The following SERPINB13 variants were observed in gnomAD, a reference collection of about 807,000 sequenced individuals.
The protein encoded by SERPINB13 is serpin B13.
Under a neutral mutation model 31.2 loss-of-function variants are expected in SERPINB13, and 26 were observed. The observed-to-expected ratio is 0.83, with a 90% CI of 0.61 to 1.15. The LOEUF (loss-of-function observed/expected upper bound fraction) is 1.15, where lower values mean the gene tolerates loss of function less well. SERPINB13 is among the 50% of genes most tolerant of loss of function. The pLI is 0.00. For missense variants in SERPINB13, 510 were observed against 469.4 expected, an observed-to-expected ratio of 1.09 and a Z score of -0.80; for synonymous variants, 191 against 172.4, an observed-to-expected ratio of 1.11 and a Z score of -0.85.
At chr18:63,588,023 G>A (rs747743908) in intron 1 of SERPINB13, among the ~76,000 whole-genome samples, 2 of 152,220 alleles carry the variant, frequency 1.3e-5, no homozygotes, top group Non-Finnish European at 2.9e-5. Flanking sequence ...CCAGAGATAT[G>A]TGGTTTCTGC....
At chr18:63,591,090 G>A (rs1484422776) in intron 3 of SERPINB13, among the ~76,000 whole-genome samples, 1 of 152,062 alleles carries the variant, frequency 6.6e-6, no homozygotes, top group East Asian at 1.9e-4. Context: ...TACCAAATCA[G>A]CTGATGCCCC....
Position 63,589,714 on chromosome 18 carries a change from T to C in SERPINB13, c.224T>C (p.Val75Ala). The change falls in exon 3 of 8, where the codon GTG becomes GCG. Residue 75 changes from valine (V) to alanine (A), a missense_variant and splice_region_variant. Transcript: ENST00000344731. ...AGAATAAAGGCTGAAGAAAAAGAGG[T>C]GGTAAGAATAAAGGCTGAAGGAAAA... ...SSRIKAEEKE[V>A]IENTEAVHQQ... 1 of 1,612,378 alleles carries C rather than the reference T, an allele frequency of 6.2e-7. No individual in the cohort carries two copies. Among genetic ancestry groups the C allele is most frequent in the Non-Finnish European group, 8.5e-7 (1 of 1,179,020 alleles).
chr18:63,588,915 T>G lies in SERPINB13; in HGVS notation c.165+83T>G, dbSNP rs1224485254. On this transcript the variant is annotated intron_variant, in intron 2 of 7. Transcript: ENST00000344731. ...GGTTGTCAGCCCTCTTGCATTATCT[T>G]AAAAATACGCTCTTCTTGACCTGTG... The G allele has an allele frequency of 2.2e-6, 3 of 1,390,544 alleles. No individual in the cohort carries two copies. The African/African-American group carries it at 4.3e-5, about 20-fold the overall frequency. 86.1% of individuals were successfully genotyped at this position (1,390,544 alleles called of 1,614,324 possible).
chr18:63,589,563 G>T, intron 2 of SERPINB13, 93 bp from the exon 3 acceptor site: 1 of 1,499,880 alleles, frequency 6.7e-7, no homozygotes, highest in Admixed American at 2.4e-5. Context: ...TACCACCGAG[G>T]TTTCTTTCAG....
rs761586600 is a variant in SERPINB13 at position 63,597,159 on chromosome 18, G to C, written c.972G>C (p.Gly324=). The change falls in exon 8 of 8, where the codon GGG becomes GGC. Residue 324 remains glycine, a synonymous_variant. Coordinates refer to ENST00000344731, the MANE Select transcript of SERPINB13 (RefSeq NM_012397.4). ...ADYSGMSSGS[G]LYAQKFLHSS... is the part of the protein sequence containing the mutation. ...ACTCGGGAATGTCGTCAGGCTCCGG[G>C]TTGTACGCCCAGAAGTTCCTGCACA... The C allele has an allele frequency of 1.2e-6, 2 of 1,614,214 alleles. No individual in the cohort carries two copies. Among genetic ancestry groups the C allele is most frequent in the Non-Finnish European group, 1.7e-6 (2 of 1,180,044 alleles).
chr18:63,599,071 A>G lies in SERPINB13; in HGVS notation c.*1708A>G, dbSNP rs1170207495. The G allele has an allele frequency of 6.6e-6, 1 of 151,908 alleles. No homozygotes were observed. The highest frequency in any genetic ancestry group is 1.5e-5 in the Non-Finnish European group (1 of 67,960). 9.4% of individuals were successfully genotyped at this position (151,908 alleles called of 1,614,324 possible). ...TTGTTTGGTGAAATGTATACAAATC[A>G]TTTGCTCATTTTTAATTTGGGTTGT... is the stretch of plus-strand genomic sequence containing the variant. On this transcript the variant is annotated 3_prime_UTR_variant, in exon 8 of 8. Coordinates refer to ENST00000344731, the MANE Select transcript of SERPINB13 (RefSeq NM_012397.4).
intron 6 of SERPINB13, among the ~76,000 whole-genome samples, 189 bp from the exon 7 acceptor site, chr18:63,594,839 CA>C (rs1568147687): frequency 6.6e-6 from 1 of 151,938 alleles, no homozygotes; most frequent in African/African-American, 2.4e-5. Context: ...CTCCATCCCC[CA>C]CCCCCCCAAA....
chr18:63,599,121 A>C lies in SERPINB13; in HGVS notation c.*1758A>C, dbSNP rs895095395. The C allele has an allele frequency of 1.3e-5, 2 of 152,120 alleles. No homozygotes were observed. Among genetic ancestry groups the C allele is most frequent in the African/African-American group, 4.8e-5 (2 of 41,438 alleles). 9.4% of individuals were successfully genotyped at this position (152,120 alleles called of 1,614,324 possible). ...TCTGTCTTGTCTTCTCATTTTATTGAGTTAAATGAGTTCTTAATAATCTCT... is the reference window on the plus strand; with the variant it reads ...TCTGTCTTGTCTTCTCATTTTATTGCGTTAAATGAGTTCTTAATAATCTCT... On this transcript the variant is annotated 3_prime_UTR_variant, in exon 8 of 8. Transcript: ENST00000344731.
chr18:63,592,778 A>C, intron 4 of SERPINB13, 76 bp from the exon 5 acceptor site: 1 of 976,364 alleles, frequency 1.0e-6, no homozygotes, highest in African/African-American at 1.6e-5. Context: ...TGTATACATA[A>C]ATTTATTTAG....
rs1447883693 is a variant in SERPINB13, at chr18:63,594,474, GA to G, written c.594del (p.Glu199ArgfsTer5). On this transcript the variant is annotated frameshift_variant, in exon 6 of 8. Coordinates refer to ENST00000344731, the MANE Select transcript of SERPINB13 (RefSeq NM_012397.4). LOFTEE classifies it high-confidence loss of function. ...DREFKKENTK[E>X]EKFWMNKSTS... ...GGAGTTTAAGAAAGAAAATACTAAG[GA>G]AGAGAAATTTTGGATGAATAAGGTA... The G allele has an allele frequency of 1.2e-6, 2 of 1,614,002 alleles. No homozygotes were observed. Among genetic ancestry groups the G allele is most frequent in the Non-Finnish European group, 1.7e-6 (2 of 1,179,970 alleles).
chr18:63,597,144 G>T lies in SERPINB13; in HGVS notation c.957G>T (p.Met319Ile). 2 of 1,614,224 alleles carry T rather than the reference G, an allele frequency of 1.2e-6. No homozygotes were observed. The highest frequency in any genetic ancestry group is 2.2e-5 in the South Asian group (2 of 91,088). ...FSEHKADYSG[M>I]SSGSGLYAQK... ...AGCACAAAGCCGACTACTCGGGAAT[G>T]TCGTCAGGCTCCGGGTTGTACGCCC... The change falls in exon 8 of 8, where the codon ATG becomes ATT. Residue 319 changes from methionine to isoleucine, a missense_variant. By Grantham distance (10) the Met-to-Ile change is conservative. Transcript: ENST00000344731.
chr18:63,591,120 C>T (rs528648125), intron 3 of SERPINB13, among the ~76,000 whole-genome samples: 1 of 152,070 alleles, frequency 6.6e-6, no homozygotes, highest in South Asian at 2.1e-4. Context: ...TGTATAACAC[C>T]TTCCTTGAGC....
Position 63,597,097 on chromosome 18 carries a change from G to C in SERPINB13, c.910G>C (p.Gly304Arg), listed in dbSNP as rs1599455095. ...YDLEAVLAAMGMGDAFSEHKA... is the reference protein window; with the variant it reads ...YDLEAVLAAMRMGDAFSEHKA... Reference sequence around the variant, plus strand: ...TCTAGAGGCGGTCCTGGCTGCCATGGGGATGGGCGATGCCTTCAGTGAGCA... The same window carrying C: ...TCTAGAGGCGGTCCTGGCTGCCATGCGGATGGGCGATGCCTTCAGTGAGCA... The change falls in exon 8 of 8, where the codon GGG becomes CGG. Residue 304 changes from glycine (G) to arginine (R), a missense_variant. Transcript: ENST00000344731. 6.2e-7 allele frequency: 1 copy of C among 1,614,216 alleles called. No individual in the cohort carries two copies. Among genetic ancestry groups the C allele is most frequent in the East Asian group, 2.2e-5 (1 of 44,890 alleles).
At chr18:63,596,793 A>G (rs1022095089) in intron 7 of SERPINB13, among the ~76,000 whole-genome samples, 166 bp from the exon 8 acceptor site, 3 of 152,224 alleles carry the variant, frequency 2.0e-5, no homozygotes, top group South Asian at 4.1e-4. Flanking sequence ...AAACAGAGAG[A>G]TATAAGACAA....
Position 63,588,682 on chromosome 18 carries a change from C to T in SERPINB13, c.15C>T (p.Gly5=), listed in dbSNP as rs755465998. The T allele has an allele frequency of 2.0e-5, 32 of 1,613,970 alleles. No individual in the cohort carries two copies. In the Middle Eastern group the frequency reaches 1.2e-3, roughly 58 times the overall value. MDSL[G]AVSTRLGFDL... is the part of the protein sequence containing the mutation. ...CTAAAATCATCATGGATTCACTTGG[C>T]GCCGTCAGCACTCGACTTGGGTTTG... The change falls in exon 2 of 8, where the codon GGC becomes GGT. Residue 5 remains glycine (G), a synonymous_variant. Coordinates refer to ENST00000344731, the MANE Select transcript of SERPINB13 (RefSeq NM_012397.4).
chr18:63,595,376 A>G (rs111720756), intron 7 of SERPINB13, among the ~76,000 whole-genome samples, 192 bp downstream of exon 7: 2,150 of 152,296 alleles, frequency 0.014, 50 homozygotes, highest in African/African-American at 0.049. Flanking sequence ...TAATCCTAGA[A>G]TGTTTGGGAT....
chr18:63,588,624 T>G, intron 1 of SERPINB13, 27 bp from the exon 2 acceptor site: 5 of 1,606,968 alleles, frequency 3.1e-6, no homozygotes, highest in Non-Finnish European at 4.3e-6. Context: ...AAATGTTCAG[T>G]TTTGATTGTT....
chr18:63,594,450 G>C lies in SERPINB13; in HGVS notation c.568G>C (p.Glu190Gln), dbSNP rs1211434209. ...MVYFKGQWDR[E>Q]FKKENTKEEK... ...TTATTTTAAAGGGCAATGGGACAGG[G>C]AGTTTAAGAAAGAAAATACTAAGGA... Residue 190 changes from glutamate to glutamine, a missense_variant, in exon 6 of 8, where the codon GAG (glutamate) becomes CAG (glutamine). Coordinates refer to ENST00000344731, the MANE Select transcript of SERPINB13 (RefSeq NM_012397.4). 2 of 1,614,032 alleles carry C rather than the reference G, an allele frequency of 1.2e-6. No individual in the cohort carries two copies. The highest frequency in any genetic ancestry group is 1.7e-6 in the Non-Finnish European group (2 of 1,180,022).
chr18:63,594,405 C>A lies in SERPINB13; in HGVS notation c.523C>A (p.Leu175Met), dbSNP rs1568147197. ...PDGSISSSTK[L>M]VLVNMVYFKG... ...TGGCTCTATTAGTAGCTCTACCAAG[C>A]TGGTGCTGGTGAACATGGTTTATTT... Residue 175 changes from leucine (L) to methionine (M), a missense_variant, in exon 6 of 8, where the codon CTG (leucine) becomes ATG (methionine). Physicochemically the swap from Leu to Met is conservative, Grantham distance 15 (BLOSUM62 2). Transcript: ENST00000344731. 6.2e-7 allele frequency: 1 copy of A among 1,613,962 alleles called. No individual in the cohort carries two copies.
Sources: gnomAD v4.1 joint callset for allele counts (sites outside exome capture counted in the v4.1 genomes callset) on GRCh38, gnomAD v4.1.1 for gene constraint, MANE v1.5 for transcripts, NCBI Gene and HGNC (gene_info 2026-07-23, HGNC 2026-07-21) for gene names.